LY6G5C: variants seen among roughly 807,000 people sequenced by gnomAD.
The protein encoded by LY6G5C is lymphocyte antigen 6 complex locus protein G5c.
A neutral mutation model predicts 10.5 loss-of-function variants in LY6G5C; 6 were observed. The observed-to-expected ratio is 0.57, with a 90% CI of 0.31 to 1.12. The LOEUF is 1.12. LY6G5C is among the 50% of genes most tolerant of loss of function. LY6G5C has a pLI of 0.05. For synonymous variants in LY6G5C, 69 were observed against 67.8 expected (o/e 1.02, Z -0.09); for missense variants, 160 against 185.5 (o/e 0.86, Z 0.80).
intron 2 of LY6G5C, 90 bp from the exon 3 acceptor site, chr6:31,677,210 A>C (rs1196273132): frequency 1.6e-5 from 21 of 1,328,952 alleles, no homozygotes; most frequent in Non-Finnish European, 2.1e-5. Flanking sequence ...TCAAAAAAAA[A>C]AGAAAAAGAA....
Position 31,679,249 on chromosome 6 carries a change from A to G in LY6G5C, c.141T>C (p.Asn47=), listed in dbSNP as rs1802751581. The G allele has an allele frequency of 6.2e-7, 1 of 1,612,966 alleles. No individual in the cohort carries two copies. The highest frequency in any genetic ancestry group is 8.5e-7 in the Non-Finnish European group (1 of 1,179,988). The change falls in exon 2 of 3, where the codon AAT becomes AAC. Residue 47 remains asparagine (N), a synonymous_variant. Transcript: ENST00000383237. The surrounding 1 kb of genome is among the most constrained non-coding windows in gnomAD (Gnocchi z 4.4). ...ATGGAAGTGGTTGAGGGGGTTCCCA[A>G]TTGACAGGAACAAACTTACCTAGAA...
chr6:31,676,913 C>A, exon 3 of LY6G5C: 1 of 1,593,050 alleles, frequency 6.3e-7, no homozygotes, highest in Non-Finnish European at 8.6e-7. Flanking sequence ...AGGAAGGTGG[C>A]TGGAAACTGG....
rs1242660218 is a variant in LY6G5C at position 31,679,304 on chromosome 6, C to G, written c.122-36G>C. On this transcript the variant is annotated intron_variant, in intron 1 of 2. Coordinates refer to ENST00000383237, the Ensembl canonical transcript of LY6G5C. The surrounding 1 kb of genome is among the most constrained non-coding windows in gnomAD (Gnocchi z 4.4). Reference sequence around the variant, plus strand: ...GAGAAGTGCTGACCCCACTCACACCCCATTCTACCTCACACCCTACCACTG... The same window carrying G: ...GAGAAGTGCTGACCCCACTCACACCGCATTCTACCTCACACCCTACCACTG... The G allele has an allele frequency of 1.2e-6, 2 of 1,611,634 alleles. No homozygotes were observed. Among genetic ancestry groups the G allele is most frequent in the Non-Finnish European group, 1.7e-6 (2 of 1,178,714 alleles).
At position 31,679,606 on chromosome 6, in the gene LY6G5C, T is replaced by C; in HGVS notation, c.122-338A>G. 1 of 403,464 alleles carries C rather than the reference T, an allele frequency of 2.5e-6. No homozygotes were observed. The allele number at this position is 403,464 out of a possible 1,614,324, so 25.0% of individuals were successfully genotyped here. ...GCCCAGCAGGCTGGACTCAGTCTTG[T>C]TCTATCCTGTGGATTCTGGTTTTCT... On this transcript the variant is annotated intron_variant, in intron 1 of 2. Transcript: ENST00000383237. The surrounding 1 kb of genome is among the most constrained non-coding windows in gnomAD (Gnocchi z 4.4).
Position 31,679,036 on chromosome 6 carries a change from T to A in LY6G5C, c.289+65A>T. 1 of 1,534,798 alleles carries A rather than the reference T, an allele frequency of 6.5e-7. No individual in the cohort carries two copies. The highest frequency in any genetic ancestry group is 1.1e-5 in the South Asian group (1 of 89,362). On this transcript the variant is annotated intron_variant, in intron 2 of 2. Transcript: ENST00000383237. The surrounding 1 kb of genome is among the most constrained non-coding windows in gnomAD (Gnocchi z 4.4). ...ATGGGAACAAGACTTGGGGTGCAGC[T>A]TAGGAGGCTGAGAGAGTTTCCGTTT...
At chr6:31,680,481 C>T, upstream of LY6G5C, 1 of 1,322,260 alleles carries the variant, frequency 7.6e-7, no homozygotes, top group Middle Eastern at 2.7e-4. The surrounding 1 kb of genome is among the most constrained non-coding windows in gnomAD (Gnocchi z 4.5). Flanking sequence ...GCCAGACCAG[C>T]CAGAGGGGCA....
chr6:31,677,026 C>T lies in LY6G5C; in HGVS notation c.384G>A (p.Trp128Ter). The change falls in exon 3 of 3, where the codon TGG (tryptophan) becomes TGA (stop). Residue 128 changes from tryptophan to a stop codon, truncating the protein, a stop_gained. Coordinates refer to ENST00000383237, the Ensembl canonical transcript of LY6G5C. LOFTEE classifies it low-confidence loss of function (END_TRUNC). ...CCAGGAAGCAGTATTGAGAGAATAT[C>T]CAGAAGCCAGACACCGGAGAAGTTC... 1 of 1,612,954 alleles carries T rather than the reference C, an allele frequency of 6.2e-7. No individual in the cohort carries two copies. The highest frequency in any genetic ancestry group is 2.2e-5 in the East Asian group (1 of 44,886).
At position 31,679,760 on chromosome 6, in the gene LY6G5C, T is replaced by A; in HGVS notation, c.122-492A>T. ...CCTGGGGTGGTCACTAGAAATCTCCTTCAGAGGCTGGGTGCGGTGGCTCAC... is the reference window on the plus strand; with the variant it reads ...CCTGGGGTGGTCACTAGAAATCTCCATCAGAGGCTGGGTGCGGTGGCTCAC... On this transcript the variant is annotated intron_variant, in intron 1 of 2. Coordinates refer to ENST00000383237, the Ensembl canonical transcript of LY6G5C. This position sits in a 1 kb window ranked among gnomAD's most constrained non-coding sequence, Gnocchi z 4.4. 1 of 190,162 alleles carries A rather than the reference T, an allele frequency of 5.3e-6. No homozygotes were observed. Among genetic ancestry groups the A allele is most frequent in the South Asian group, 1.0e-4 (1 of 10,014 alleles). The allele number at this position is 190,162 out of a possible 1,614,324, so 11.8% of individuals were successfully genotyped here. A position where few individuals can be genotyped will look rare whatever the true frequency, so the allele number is the denominator to read the frequency against.
At chr6:31,676,972 C>T (rs758205597) in exon 3 of LY6G5C, 1 of 1,612,988 alleles carries the variant, frequency 6.2e-7, no homozygotes. Flanking sequence ...GAGTATAGAG[C>T]CCTCTGTTTT....
rs369953359 is a variant in LY6G5C at position 31,679,939 on chromosome 6, C to A, written c.121+314G>T. On this transcript the variant is annotated intron_variant, in intron 1 of 2. Transcript: ENST00000383237. The surrounding 1 kb of genome is among the most constrained non-coding windows in gnomAD (Gnocchi z 4.4). ...GCTTATGCCTGTAATCCCAGTTATT[C>A]GGGAGGCTGAGGCATGAGAATCGCT... 8.2e-6 allele frequency: 2 copies of A among 243,136 alleles called. No homozygotes were observed. Among genetic ancestry groups the A allele is most frequent in the Non-Finnish European group, 1.6e-5 (2 of 121,530 alleles). The allele number at this position is 243,136 out of a possible 1,614,324, so 15.1% of individuals were successfully genotyped here.
rs1802770656 is a variant in LY6G5C, at chr6:31,679,588, A to G, written c.122-320T>C. On this transcript the variant is annotated intron_variant, in intron 1 of 2. Transcript: ENST00000383237. This position sits in a 1 kb window ranked among gnomAD's most constrained non-coding sequence, Gnocchi z 4.4. ...TTTGCAGCCAAGTGGGGAGCCCAGC[A>G]GGCTGGACTCAGTCTTGTTCTATCC... The G allele has an allele frequency of 4.4e-6, 2 of 453,036 alleles. No homozygotes were observed. Among genetic ancestry groups the G allele is most frequent in the African/African-American group, 3.9e-5 (2 of 51,186 alleles). 28.1% of individuals were successfully genotyped at this position (453,036 alleles called of 1,614,324 possible). A position where few individuals can be genotyped will look rare whatever the true frequency, so the allele number is the denominator to read the frequency against.
chr6:31,677,157 C>T (rs1207143952), intron 2 of LY6G5C, 37 bp from the exon 3 acceptor site: 2 of 1,602,086 alleles, frequency 1.2e-6, no homozygotes, highest in Non-Finnish European at 1.7e-6. Context: ...ATACGGAAGT[C>T]CCCAGGAAGA....
At chr6:31,678,716 C>T (rs1414086745) in intron 2 of LY6G5C, among the ~76,000 whole-genome samples, 1 of 152,138 alleles carries the variant, frequency 6.6e-6, no homozygotes, top group African/African-American at 2.4e-5. Flanking sequence ...CGGTGGCTCA[C>T]GCCTGTAATC....
At chr6:31,677,014 T>C (rs965355239) in exon 3 of LY6G5C, 7 of 1,612,884 alleles carry the variant, frequency 4.3e-6, no homozygotes, top group East Asian at 4.5e-5. Context: ...GGAAGCAGTA[T>C]TGAGAGAATA....
chr6:31,678,915 G>A (rs1802722698), intron 2 of LY6G5C, among the ~76,000 whole-genome samples, 186 bp downstream of exon 2: 2 of 152,000 alleles, frequency 1.3e-5, no homozygotes, highest in South Asian at 2.1e-4. Flanking sequence ...GAGAGGTGGA[G>A]GTTGCAGTGA....
rs549817623 is a variant in LY6G5C at position 31,677,088 on chromosome 6, G to A, written c.322C>T (p.Arg108Ter). ...CAATCACTCATCTGCTCCTTACTTC[G>A]GCAGTCACTCACCATGACGTCAGAA... is the stretch of plus-strand genomic sequence containing the variant. The change falls in exon 3 of 3, where the codon CGA becomes TGA. Residue 108 changes from arginine to a stop codon, truncating the protein, a stop_gained. Coordinates refer to ENST00000383237, the Ensembl canonical transcript of LY6G5C. LOFTEE classifies it low-confidence loss of function (END_TRUNC). 2 of 1,612,868 alleles carry A rather than the reference G, an allele frequency of 1.2e-6. No homozygotes were observed. Among genetic ancestry groups the A allele is most frequent in the East Asian group, 2.2e-5 (1 of 44,892 alleles).
Position 31,679,168 on chromosome 6 carries a change from G to A in LY6G5C, c.222C>T (p.Cys74=). The A allele has an allele frequency of 1.2e-6, 2 of 1,613,000 alleles. No homozygotes were observed. Among genetic ancestry groups the A allele is most frequent in the Non-Finnish European group, 1.7e-6 (2 of 1,180,018 alleles). The change falls in exon 2 of 3, where the codon TGC becomes TGT. Residue 74 remains cysteine (C), a synonymous_variant. Coordinates refer to ENST00000383237, the Ensembl canonical transcript of LY6G5C. The surrounding 1 kb of genome is among the most constrained non-coding windows in gnomAD (Gnocchi z 4.4). ...TGAGGCAGATGTCAGATCCCAGAAG[G>A]CACCCTAACTCCTTGGTCTCCAAGA...
intron 2 of LY6G5C, among the ~76,000 whole-genome samples, chr6:31,678,484 C>A (rs1354222983): frequency 6.6e-6 from 1 of 152,132 alleles, no homozygotes; most frequent in African/African-American, 2.4e-5. Flanking sequence ...ACTGAAGAAG[C>A]CGTGGAGGAT....
Position 31,679,318 on chromosome 6 carries a change from A to T in LY6G5C, c.122-50T>A, listed in dbSNP as rs1023612635. ...CCACTCACACCCCATTCTACCTCAC[A>T]CCCTACCACTGCCTGATTCCAGGCC... is the stretch of plus-strand genomic sequence containing the variant. On this transcript the variant is annotated intron_variant, in intron 1 of 2. Transcript: ENST00000383237. The surrounding 1 kb of genome is among the most constrained non-coding windows in gnomAD (Gnocchi z 4.4). 1 of 1,601,696 alleles carries T rather than the reference A, an allele frequency of 6.2e-7. No homozygotes were observed. Among genetic ancestry groups the T allele is most frequent in the Non-Finnish European group, 8.5e-7 (1 of 1,170,320 alleles).
Sources: allele counts gnomAD v4.1 joint callset (sites outside exome capture counted in the v4.1 genomes callset), GRCh38; gene constraint gnomAD v4.1.1; non-coding constraint Gnocchi (gnomAD v3.1); transcripts MANE v1.5; gene names NCBI Gene and HGNC (gene_info 2026-07-23, HGNC 2026-07-21).